KIAA0825: variants seen among roughly 807,000 people sequenced by gnomAD.
KIAA0825 encodes KIAA0825.
KIAA0825 carries 119 observed loss-of-function variants against 147.6 expected under a neutral mutation model. The ratio of observed to expected loss-of-function variants is 0.81; its 90% CI spans 0.69 to 0.94. KIAA0825 has a LOEUF of 0.94. Ranked by LOEUF, KIAA0825 falls within the 40% of genes least tolerant of loss-of-function variation. The pLI, the probability that KIAA0825 is intolerant of heterozygous loss-of-function variation, is 0.00. For synonymous variants in KIAA0825, 470 were observed against 518.1 expected, an observed-to-expected ratio of 0.91 and a Z score of 1.26; for missense variants, 1,381 against 1,472.7, an observed-to-expected ratio of 0.94 and a Z score of 1.02.
intron 5 of KIAA0825, among the ~76,000 whole-genome samples, chr5:94,511,383 G>A (rs1645468579): frequency 6.6e-6 from 1 of 152,234 alleles, no homozygotes; most frequent in Admixed American, 6.5e-5. Context: ...TACTTTGGGA[G>A]GCCAAGGAGG....
At chr5:94,396,006 C>T in intron 17 of KIAA0825, 95 bp downstream of exon 17, 1 of 1,169,140 alleles carries the variant, frequency 8.6e-7, no homozygotes, top group Non-Finnish European at 1.1e-6. Context: ...CAAAATACTA[C>T]TGCTGCCCAT....
At chr5:94,519,585 G>A (rs1767784624) in intron 5 of KIAA0825, 2 of 598,856 alleles carry the variant, frequency 3.3e-6, no homozygotes, top group Admixed American at 1.3e-4. Context: ...AAAAATAGTA[G>A]AGAAACTTTA....
intron 1 of KIAA0825, chr5:94,593,712 T>C (rs1784753925): frequency 2.6e-6 from 1 of 379,014 alleles, no homozygotes; most frequent in Non-Finnish European, 5.2e-6. Context: ...TGCACAAACA[T>C]TTGGATAACT....
At chr5:94,487,879 G>A (rs1457052519) in intron 5 of KIAA0825, among the ~76,000 whole-genome samples, 3 of 152,066 alleles carry the variant, frequency 2.0e-5, no homozygotes, top group East Asian at 3.9e-4. Context: ...ACCTGAGCCC[G>A]GAAAGTGGAG....
chr5:94,344,453 G>A (rs1378100080), intron 20 of KIAA0825, among the ~76,000 whole-genome samples: 1 of 152,178 alleles, frequency 6.6e-6, no homozygotes, highest in East Asian at 1.9e-4. Context: ...GAACACTTGT[G>A]CACTGCTAAT....
chr5:94,329,480 T>C (rs140519991), intron 20 of KIAA0825, among the ~76,000 whole-genome samples: 5 of 152,268 alleles, frequency 3.3e-5, no homozygotes, highest in Non-Finnish European at 7.4e-5. Context: ...AATAATTCTT[T>C]GGCCTTTCTG....
chr5:94,611,946 G>GAAAC (rs1171728847), intron 1 of KIAA0825: 3 of 152,182 alleles, frequency 2.0e-5, no homozygotes, highest in South Asian at 4.2e-4. Flanking sequence ...CTCTGTCTCA[G>GAAAC]AAACAAACAA....
chr5:94,442,771 C>T (rs981320798), intron 13 of KIAA0825, among the ~76,000 whole-genome samples: 1 of 152,080 alleles, frequency 6.6e-6, no homozygotes, highest in Non-Finnish European at 1.5e-5. Context: ...ACTTAAGGAT[C>T]CATTTGATGA....
intron 13 of KIAA0825, among the ~76,000 whole-genome samples, chr5:94,440,473 C>T (rs1054159018): frequency 3.3e-5 from 5 of 152,054 alleles, no homozygotes; most frequent in African/African-American, 4.8e-5. Flanking sequence ...TATATCAATG[C>T]CTACTATGTG....
intron 2 of KIAA0825, among the ~76,000 whole-genome samples, chr5:94,572,100 TAAA>T (rs1161335580): frequency 7.3e-6 from 1 of 136,248 alleles, no homozygotes. Context: ...CTCTATCTCT[TAAA>T]AAAAAAAAAA....
chr5:94,454,210 AAGAGT>A, intron 12 of KIAA0825, among the ~76,000 whole-genome samples: 1 of 152,336 alleles, frequency 6.6e-6, no homozygotes, highest in South Asian at 2.1e-4. Flanking sequence ...ACACAGAGTT[AAGAGT>A]AATGACTGGG....
chr5:94,546,436 G>A (rs1451614478), intron 2 of KIAA0825, among the ~76,000 whole-genome samples: 1 of 152,056 alleles, frequency 6.6e-6, no homozygotes, highest in Non-Finnish European at 1.5e-5. Flanking sequence ...GCTGGCTTCA[G>A]GTCTGACCCA....
intron 1 of KIAA0825, chr5:94,618,075 G>A (rs1791057217): frequency 1.3e-5 from 2 of 152,250 alleles, no homozygotes; most frequent in African/African-American, 4.8e-5. Flanking sequence ...GTTTGTAAAA[G>A]ATGTCTTCTT....
intron 20 of KIAA0825, among the ~76,000 whole-genome samples, chr5:94,295,169 T>C (rs753419038): frequency 6.6e-6 from 1 of 151,998 alleles, no homozygotes; most frequent in African/African-American, 2.4e-5. Context: ...TTCATTAAGT[T>C]GATCTTCAGT....
chr5:94,496,716 G>A (rs1764403380), intron 5 of KIAA0825, among the ~76,000 whole-genome samples: 1 of 152,180 alleles, frequency 6.6e-6, no homozygotes, highest in African/African-American at 2.4e-5. Context: ...CTTTATCTAT[G>A]ATGAACATCT....
intron 20 of KIAA0825, among the ~76,000 whole-genome samples, chr5:94,193,004 C>T (rs948478335): frequency 6.6e-6 from 1 of 152,148 alleles, no homozygotes; most frequent in Non-Finnish European, 1.5e-5. Flanking sequence ...TGAATGCTAG[C>T]CTCAGTTGAT....
At chr5:94,372,808 T>C (rs766531745) in intron 20 of KIAA0825, among the ~76,000 whole-genome samples, 3 of 152,234 alleles carry the variant, frequency 2.0e-5, no homozygotes, top group Non-Finnish European at 4.4e-5. Context: ...CCCCAGAAAA[T>C]GGGGTTTTCT....
chr5:94,323,789 AG>A (rs1780430348), intron 20 of KIAA0825, among the ~76,000 whole-genome samples: 1 of 151,918 alleles, frequency 6.6e-6, no homozygotes, highest in South Asian at 2.1e-4. Context: ...GATGGAGATT[AG>A]GGGATAGGGA....
At chr5:94,350,772 A>G (rs1254781813) in intron 20 of KIAA0825, among the ~76,000 whole-genome samples, 6 of 152,196 alleles carry the variant, frequency 3.9e-5, no homozygotes, top group Non-Finnish European at 8.8e-5. Flanking sequence ...TACAAGGGAC[A>G]TACCTTAATG....
Sources: gnomAD v4.1 joint callset for allele counts (sites outside exome capture counted in the v4.1 genomes callset) on GRCh38, gnomAD v4.1.1 for gene constraint, MANE v1.5 for transcripts, NCBI Gene and HGNC (gene_info 2026-07-23, HGNC 2026-07-21) for gene names.